Variants in RIPOR3 observed in about 807,000 individuals in gnomAD.
The protein encoded by RIPOR3 is family with sequence similarity 65 member C.
Under a neutral mutation model 114.3 loss-of-function variants are expected in RIPOR3, and 95 were observed. The ratio of observed to expected loss-of-function variants is 0.83; its 90% CI spans 0.70 to 0.99. RIPOR3 has a LOEUF of 0.99. Among genes scored for constraint, RIPOR3 ranks in the 50% least tolerant of loss-of-function variants. RIPOR3 has a pLI of 0.00. For synonymous variants in RIPOR3, 575 were observed against 543.8 expected, an observed-to-expected ratio of 1.06 and a Z score of -0.80; for missense variants, 1,252 against 1,266.9, an observed-to-expected ratio of 0.99 and a Z score of 0.18.
At chr20:50,610,326 A>G (rs775188225) in intron 6 of RIPOR3, among the ~76,000 whole-genome samples, 2 of 152,178 alleles carry the variant, frequency 1.3e-5, no homozygotes, top group Non-Finnish European at 2.9e-5. Flanking sequence ...GAAAGGGACA[A>G]GGGAATCTGT....
At chr20:50,682,658 T>A (rs2086896619) in intron 1 of RIPOR3, among the ~76,000 whole-genome samples, 1 of 83,178 alleles carries the variant, frequency 1.2e-5, no homozygotes. Context: ...AGACAAGATA[T>A]ATCTTTACGT....
intron 2 of RIPOR3, among the ~76,000 whole-genome samples, chr20:50,628,373 G>A (rs1028587955): frequency 2.0e-5 from 3 of 152,044 alleles, no homozygotes; most frequent in African/African-American, 7.2e-5. Context: ...AGGCTCCGCA[G>A]GGTCCTCCTC....
intron 1 of RIPOR3, among the ~76,000 whole-genome samples, chr20:50,657,805 G>A (rs1281623928): frequency 6.8e-6 from 1 of 147,312 alleles, no homozygotes; most frequent in Non-Finnish European, 1.5e-5. Context: ...CCAGGCTGGA[G>A]TGCAGTGATG....
rs566301828 is a variant in RIPOR3 at position 50,618,659 on chromosome 20, ACTTTT to A, written c.269+1322_269+1326del. Among the ~76,000 whole-genome samples the A allele has an allele frequency of 2.4e-3, 363 of 152,106 alleles. 3 individuals are homozygous for A. Among genetic ancestry groups the A allele is most frequent in the East Asian group, 9.7e-3 (50 of 5,180 alleles). On this transcript the variant is annotated intron_variant, in intron 3 of 21. Coordinates refer to ENST00000327979, the MANE Select transcript of RIPOR3 (RefSeq NM_001290268.2). Reference sequence around the variant, plus strand: ...CTTACTACCATCTGATATTCTCTGTACTTTTCTTTTCTGTATTGTGTATTGTCTGT... The same window carrying A: ...CTTACTACCATCTGATATTCTCTGTACTTTTCTGTATTGTGTATTGTCTGT...
chr20:50,602,054 G>A lies in RIPOR3; in HGVS notation c.1659+18C>T, dbSNP rs781526412. The stretch of plus-strand genomic sequence containing the variant: ...CATCAGCAAAGCAGGGCCACCGCCC[G>A]GGGCGGGGTGGCCATACCTTCAGCC... On this transcript the variant is annotated intron_variant, in intron 13 of 21. Transcript: ENST00000327979. This position sits in a 1 kb window ranked among gnomAD's most constrained non-coding sequence, Gnocchi z 4.3. 9.5e-5 allele frequency: 141 copies of A among 1,487,930 alleles called. No individual in the cohort carries two copies. Among genetic ancestry groups the A allele is most frequent in the Non-Finnish European group, 1.2e-4 (135 of 1,121,044 alleles). The allele number at this position is 1,487,930 out of a possible 1,614,324, so 92.2% of individuals were successfully genotyped here.
chr20:50,652,633 G>GAAAGA lies in RIPOR3; in HGVS notation c.4-21782_4-21778dup, dbSNP rs1555866858. Among the ~76,000 whole-genome samples, 616 of 140,306 alleles carry GAAAGA rather than the reference G, an allele frequency of 4.4e-3. 8 individuals carry two copies. The highest frequency in any genetic ancestry group is 0.015 in the African/African-American group (582 of 37,654). 92.0% of individuals were successfully genotyped at this position (140,306 alleles called of 152,430 possible). ...AAAAAAGAAAAGAAAAGAAAAGAAA[G>GAAAGA]AAAGAAAAGAAAAGAAAAAAGAAAT... On this transcript the variant is annotated intron_variant, in intron 1 of 21. Transcript: ENST00000327979.
chr20:50,663,072 G>A (rs925559772), intron 1 of RIPOR3, among the ~76,000 whole-genome samples: 6 of 149,370 alleles, frequency 4.0e-5, no homozygotes, highest in East Asian at 2.0e-4. Context: ...ACTCCAGCCC[G>A]GGTGACAGAG....
intron 3 of RIPOR3, among the ~76,000 whole-genome samples, chr20:50,617,232 TCA>T (rs1250371213): frequency 6.6e-6 from 1 of 152,056 alleles, no homozygotes; most frequent in East Asian, 1.9e-4. Flanking sequence ...GGAAGGTCAC[TCA>T]CACTCTCTGG....
rs1441235656 is a variant in RIPOR3, at chr20:50,628,596, TG to T, written c.122+2141del. On this transcript the variant is annotated intron_variant, in intron 2 of 21. Transcript: ENST00000327979. ...CTCGTCAGGCTCTCCCAGGAGACCA[TG>T]GGTGCCCTCCCCCACCCCCAGTTCA... Among the ~76,000 whole-genome samples, 28 of 152,128 alleles carry T rather than the reference TG, an allele frequency of 1.8e-4. No individual in the cohort carries two copies. The East Asian group carries it at 4.9e-3, about 26-fold the overall frequency.
At position 50,602,652 on chromosome 20, in the gene RIPOR3, G is replaced by C. The variant is rs1233807063; in HGVS notation, c.1087-8C>G. The stretch of plus-strand genomic sequence containing the variant: ...TGGCTGCTGTAGGACAGACTGGAGA[G>C]GGGACACGGGAGCGGCCTCACCAGC... On this transcript the variant is annotated splice_polypyrimidine_tract_variant and splice_region_variant and intron_variant, in intron 12 of 21. Transcript: ENST00000327979. The surrounding 1 kb of genome is among the most constrained non-coding windows in gnomAD (Gnocchi z 4.3). The C allele has an allele frequency of 6.9e-7, 1 of 1,453,420 alleles. No individual in the cohort carries two copies. The highest frequency in any genetic ancestry group is 9.1e-7 in the Non-Finnish European group (1 of 1,099,994). 90.0% of individuals were successfully genotyped at this position (1,453,420 alleles called of 1,614,324 possible).
intron 1 of RIPOR3, among the ~76,000 whole-genome samples, chr20:50,667,107 C>A (rs1160979053): frequency 2.0e-5 from 3 of 151,998 alleles, no homozygotes; most frequent in African/African-American, 7.3e-5. Flanking sequence ...CTTTTTAAAG[C>A]ATCAGCATAA....
At chr20:50,672,093 C>T (rs1001528321) in intron 1 of RIPOR3, among the ~76,000 whole-genome samples, 1 of 152,034 alleles carries the variant, frequency 6.6e-6, no homozygotes, top group Admixed American at 6.6e-5. Context: ...CTGGCTGGAG[C>T]CGTGTGAATA....
At chr20:50,619,195 C>G (rs1194445262) in intron 3 of RIPOR3, among the ~76,000 whole-genome samples, 5 of 151,972 alleles carry the variant, frequency 3.3e-5, no homozygotes, top group African/African-American at 4.8e-5. Context: ...ACGCTTGAAC[C>G]CAGGAGGCGG....
intron 2 of RIPOR3, among the ~76,000 whole-genome samples, chr20:50,626,343 T>C (rs1308589692): frequency 6.6e-6 from 1 of 152,256 alleles, no homozygotes; most frequent in Non-Finnish European, 1.5e-5. Context: ...TCTGGCATCC[T>C]TGACAATCAG....
chr20:50,623,423 A>G (rs2084497891), intron 2 of RIPOR3, among the ~76,000 whole-genome samples: 1 of 152,122 alleles, frequency 6.6e-6, no homozygotes. Flanking sequence ...GGGTGTTCCC[A>G]GCTGGAGACA....
At chr20:50,653,698 C>A (rs1168651622) in intron 1 of RIPOR3, among the ~76,000 whole-genome samples, 2 of 151,778 alleles carry the variant, frequency 1.3e-5, no homozygotes, top group Non-Finnish European at 2.9e-5. Flanking sequence ...TTGAGCAATT[C>A]TCCCACCTCA....
intron 1 of RIPOR3, among the ~76,000 whole-genome samples, chr20:50,674,666 G>T (rs866721947): frequency 2.3e-4 from 34 of 150,306 alleles, no homozygotes; most frequent in African/African-American, 7.1e-4. Flanking sequence ...GAGGATAGGG[G>T]CTGGGCACAG....
intron 1 of RIPOR3, among the ~76,000 whole-genome samples, chr20:50,648,586 T>C (rs1221276764): frequency 6.6e-6 from 1 of 152,040 alleles, no homozygotes; most frequent in Non-Finnish European, 1.5e-5. Flanking sequence ...TTATTTCTAC[T>C]ACTACATTGT....
chr20:50,630,665 T>G, intron 2 of RIPOR3, 73 bp downstream of exon 2: 1 of 1,327,606 alleles, frequency 7.5e-7, no homozygotes. Flanking sequence ...AGGAGGAGGA[T>G]GACCCTGCCC....
Sources: allele counts gnomAD v4.1 joint callset (sites outside exome capture counted in the v4.1 genomes callset), GRCh38; gene constraint gnomAD v4.1.1; non-coding constraint Gnocchi (gnomAD v3.1); transcripts MANE v1.5; gene names NCBI Gene and HGNC (gene_info 2026-07-23, HGNC 2026-07-21).